The following CR2 variants were observed in gnomAD, a reference collection of about 807,000 sequenced individuals.
CR2 encodes the protein complement C3d receptor 2.
CR2 carries 96 observed loss-of-function variants against 123.0 expected under a neutral mutation model. That is an observed-to-expected ratio of 0.78 (90% confidence interval 0.66 to 0.93). The LOEUF is 0.93. Ranked by LOEUF, CR2 falls within the 40% of genes least tolerant of loss-of-function variation. CR2 has a pLI of 0.00. For missense variants in CR2, 1,258 were observed against 1,361.0 expected (o/e 0.92, Z 1.19); for synonymous variants, 484 against 469.5 (o/e 1.03, Z -0.40).
Position 207,454,569 on chromosome 1 carries a change from C to T in CR2, c.58+93C>T, listed in dbSNP as rs993308395. The T allele has an allele frequency of 5.0e-5, 50 of 996,524 alleles. No individual in the cohort carries two copies. Among genetic ancestry groups the T allele is most frequent in the Non-Finnish European group, 6.9e-5 (48 of 692,078 alleles). 61.7% of individuals were successfully genotyped at this position (996,524 alleles called of 1,614,324 possible). On this transcript the variant is annotated intron_variant, in intron 1 of 19. Coordinates refer to ENST00000367057, the MANE Select transcript of CR2 (RefSeq NM_001006658.3). This position sits in a 1 kb window ranked among gnomAD's most constrained non-coding sequence, Gnocchi z 4.3. ...GCAAAGCAGGGGGCCAAAAGCGAGA[C>T]GGTGGGGGCAGTGCTCGACGCGTGT...
intron 16 of CR2, 66 bp from the exon 17 acceptor site, chr1:207,479,191 C>A: frequency 1.6e-6 from 2 of 1,242,818 alleles, no homozygotes; most frequent in Non-Finnish European, 2.4e-6. Flanking sequence ...TACCATGAAA[C>A]GTGGGGCTAC....
chr1:207,473,213 T>A, intron 10 of CR2, 34 bp downstream of exon 10: 4 of 1,609,062 alleles, frequency 2.5e-6, no homozygotes, highest in Non-Finnish European at 3.4e-6. Flanking sequence ...AAAGGAGAGA[T>A]TTACTTAATT....
intron 13 of CR2, 92 bp from the exon 14 acceptor site, chr1:207,474,732 A>T: frequency 7.6e-7 from 1 of 1,310,964 alleles, no homozygotes. Context: ...TATGTGAAAT[A>T]TATGCAGTTG....
chr1:207,474,358 A>T lies in CR2; in HGVS notation c.2323+35A>T, dbSNP rs780194548. The T allele has an allele frequency of 4.8e-6, 7 of 1,468,356 alleles. No homozygotes were observed. In the African/African-American group the frequency reaches 5.6e-5, roughly 12 times the overall value. 91.0% of individuals were successfully genotyped at this position (1,468,356 alleles called of 1,614,324 possible). ...AAAAAATAAAAGCCTGACAATGGTA[A>T]TGGAGGATTAGAGAGGGCAGGCCAC... On this transcript the variant is annotated intron_variant, in intron 13 of 19. Transcript: ENST00000367057.
chr1:207,474,879 G>A lies in CR2; in HGVS notation c.2379G>A (p.Met793Ile). The A allele has an allele frequency of 1.2e-6, 2 of 1,614,004 alleles. No homozygotes were observed. Among genetic ancestry groups the A allele is most frequent in the Non-Finnish European group, 1.7e-6 (2 of 1,179,934 alleles). Residue 793 changes from methionine to isoleucine, a missense_variant, in exon 14 of 20, where the codon ATG (methionine) becomes ATA (isoleucine). By Grantham distance (10) the Met-to-Ile change is conservative. Transcript: ENST00000367057. ...TCAATGGGAAGCACACAGGCATGAT[G>A]GCAGAAAACTTTCTATATGGAAATG... is the stretch of plus-strand genomic sequence containing the variant. ...VIVNGKHTGM[M>I]AENFLYGNEV...
At chr1:207,460,853 T>C (rs1307880518) in intron 1 of CR2, among the ~76,000 whole-genome samples, 1 of 152,078 alleles carries the variant, frequency 6.6e-6, no homozygotes, top group Non-Finnish European at 1.5e-5. Context: ...GAGTTCTCTT[T>C]GGTGGCATAT....
rs561159059 is a variant in CR2, at chr1:207,456,396, A to C, written c.58+1920A>C. ...TTATAAAATGTAGGTTCCTGGTTCC[A>C]CCTCCCCCTCCAGAGGTTCATAGGT... On this transcript the variant is annotated intron_variant, in intron 1 of 19. Transcript: ENST00000367057. Among the ~76,000 whole-genome samples, 16 of 152,048 alleles carry C rather than the reference A, an allele frequency of 1.1e-4. No homozygotes were observed. The East Asian group carries it at 2.9e-3, about 28-fold the overall frequency.
intron 18 of CR2, 25 bp from the exon 19 acceptor site, chr1:207,485,439 C>T (rs765788177): frequency 2.2e-5 from 31 of 1,423,076 alleles, no homozygotes; most frequent in Non-Finnish European, 2.8e-5. Context: ...AAAGATATTA[C>T]ATTTTTCTTT....
chr1:207,474,300 TC>T lies in CR2; in HGVS notation c.2301del (p.Phe767LeufsTer17). On this transcript the variant is annotated frameshift_variant, in exon 13 of 20. Transcript: ENST00000367057. LOFTEE classifies it high-confidence loss of function. ...MCQDAENGIW[F>X]KKIPLCKVIH... ...CAAGATGCTGAAAATGGAATTTGGT[TC>T]AAAAAGATTCCACTTTGTAAAGGTA... The T allele has an allele frequency of 6.2e-7, 1 of 1,612,840 alleles. No individual in the cohort carries two copies. Among genetic ancestry groups the T allele is most frequent in the Non-Finnish European group, 8.5e-7 (1 of 1,178,988 alleles).
At chr1:207,463,692 G>C (rs903029725) in intron 1 of CR2, among the ~76,000 whole-genome samples, 2 of 152,032 alleles carry the variant, frequency 1.3e-5, no homozygotes. Context: ...GTGCAGTTTT[G>C]TTACAGGGTA....
In CR2 at chr1:207,454,766, G is replaced by A. The variant is rs547334222; in HGVS notation, c.58+290G>A. On this transcript the variant is annotated intron_variant, in intron 1 of 19. Coordinates refer to ENST00000367057, the MANE Select transcript of CR2 (RefSeq NM_001006658.3). This position sits in a 1 kb window ranked among gnomAD's most constrained non-coding sequence, Gnocchi z 4.3. ...GTGCGGGTGCTCGCGGTCTCCTGCC[G>A]GGCTCCCCGCCCCCAGGATTCTGCA... 1,207 of 400,514 alleles carry A rather than the reference G, an allele frequency of 3.0e-3. 11 individuals carry two copies. The highest frequency in any genetic ancestry group is 0.022 in the African/African-American group (1,063 of 47,614). The allele number at this position is 400,514 out of a possible 1,614,324, so 24.8% of individuals were successfully genotyped here.
intron 2 of CR2, among the ~76,000 whole-genome samples, 155 bp downstream of exon 2, chr1:207,467,067 G>A (rs1161338054): frequency 3.3e-5 from 5 of 152,170 alleles, no homozygotes; most frequent in Non-Finnish European, 7.4e-5. Context: ...TGGCTTCTTC[G>A]TGGAGGCATA....
intron 1 of CR2, among the ~76,000 whole-genome samples, chr1:207,461,217 C>A (rs1319043852): frequency 6.6e-6 from 1 of 152,122 alleles, no homozygotes; most frequent in Non-Finnish European, 1.5e-5. Flanking sequence ...CATATGTAAT[C>A]ATCCTTCAAG....
At chr1:207,481,209 GTTGAAGTAAACCTAC>G (rs1658593852) in intron 18 of CR2, among the ~76,000 whole-genome samples, 1 of 151,886 alleles carries the variant, frequency 6.6e-6, no homozygotes, top group Non-Finnish European at 1.5e-5. Context: ...TGGTATGGTA[GTTGAAGTAAACCTAC>G]TTGTACTTTT....
intron 19 of CR2, among the ~76,000 whole-genome samples, chr1:207,486,288 T>C (rs1213698989): frequency 7.3e-6 from 1 of 136,446 alleles, no homozygotes; most frequent in Non-Finnish European, 1.6e-5. Context: ...GGGAGGAGGA[T>C]TCCAGAAAGA....
At chr1:207,474,750 T>G (rs111617027) in intron 13 of CR2, 74 bp from the exon 14 acceptor site, 8 of 1,477,460 alleles carry the variant, frequency 5.4e-6, no homozygotes, top group Non-Finnish European at 7.6e-6. Flanking sequence ...TTGCATATTG[T>G]CATTTGTACC....
Position 207,477,988 on chromosome 1 carries a change from T to C in CR2, c.3006T>C (p.Asp1002=). 6.2e-7 allele frequency: 1 copy of C among 1,614,008 alleles called. No homozygotes were observed. Residue 1002 remains aspartate, a synonymous_variant, in exon 16 of 20, where the codon GAT becomes GAC. Coordinates refer to ENST00000367057, the MANE Select transcript of CR2 (RefSeq NM_001006658.3). ...CTGTTGTAACTCTGGAGTGTGAAGA[T>C]GGGTATATGCTGGAAGGCAGTCCCC... ...YGAVVTLECE[D]GYMLEGSPQS...
rs537056600 is a variant in CR2, at chr1:207,465,181, C to T, written c.59-1345C>T. Among the ~76,000 whole-genome samples the T allele has an allele frequency of 2.1e-3, 314 of 152,258 alleles. 1 individual carries two copies. Among genetic ancestry groups the T allele is most frequent in the Non-Finnish European group, 3.5e-3 (239 of 68,018 alleles). On this transcript the variant is annotated intron_variant, in intron 1 of 19. Coordinates refer to ENST00000367057, the MANE Select transcript of CR2 (RefSeq NM_001006658.3). ...CTGACCTCAGGTGATCCACCTGCCT[C>T]AGCCTCCCAAAGTGCTGGGATTACA...
intron 15 of CR2, among the ~76,000 whole-genome samples, chr1:207,477,601 C>T (rs1271288350): frequency 6.6e-6 from 1 of 152,180 alleles, no homozygotes; most frequent in Non-Finnish European, 1.5e-5. Context: ...TCGGCCCTCA[C>T]CATTTCTCCA....
Sources: gnomAD v4.1 joint callset for allele counts (sites outside exome capture counted in the v4.1 genomes callset) on GRCh38, gnomAD v4.1.1 for gene constraint, Gnocchi (gnomAD v3.1) non-coding constraint, MANE v1.5 for transcripts, NCBI Gene and HGNC (gene_info 2026-07-23, HGNC 2026-07-21) for gene names.